The following ATP11C variants were observed in gnomAD, a reference collection of about 807,000 sequenced individuals.
ATP11C encodes phospholipid-transporting ATPase IG.
Under a neutral mutation model 97.4 loss-of-function variants are expected in ATP11C, and 36 were observed. The ratio of observed to expected loss-of-function variants is 0.37; its 90% CI spans 0.28 to 0.49. The LOEUF is 0.49. Ranked by LOEUF, ATP11C falls within the 20% of genes least tolerant of loss-of-function variation. ATP11C has a pLI of 0.98. For synonymous variants in ATP11C, 275 were observed against 290.9 expected (o/e 0.95, Z 0.56); for missense variants, 730 against 824.6 (o/e 0.89, Z 1.40).
intron 5 of ATP11C, among the ~76,000 whole-genome samples, chrX:139,809,458 G>A (rs1180926782): frequency 8.9e-6 from 1 of 112,038 alleles, no homozygotes; most frequent in African/African-American, 3.2e-5. Flanking sequence ...ATAAAGTATT[G>A]AGGATAGGGA....
Position 139,832,365 on chromosome X carries a change from G to T in ATP11C, c.28-5542C>A. 5 of 1,011,682 alleles carry T rather than the reference G, an allele frequency of 4.9e-6. No homozygotes were observed. In the South Asian group the frequency reaches 1.2e-4, roughly 24 times the overall value. 83.4% of individuals were successfully genotyped at this position (1,011,682 alleles called of 1,213,427 possible). ...ACTTCCATGGGAGGCAGCAAAGGAA[G>T]CATCAGATGACAGTCTATTCCTTAA... On this transcript the variant is annotated intron_variant, in intron 1 of 29. Coordinates refer to ENST00000682941, the MANE Select transcript of ATP11C (RefSeq NM_001353812.2).
chrX:139,749,538 CT>C (rs1282993433), intron 24 of ATP11C, among the ~76,000 whole-genome samples: 1 of 111,753 alleles, frequency 8.9e-6, no homozygotes, highest in Non-Finnish European at 1.9e-5. Context: ...AATACAATGG[CT>C]TATGAGTCCA....
At chrX:139,757,732 A>G in intron 23 of ATP11C, 76 bp downstream of exon 23, 1 of 718,377 alleles carries the variant, frequency 1.4e-6, no homozygotes, top group Non-Finnish European at 2.0e-6. Flanking sequence ...TCTAATCTCT[A>G]GAAATCTAAT....
chrX:139,762,927 A>G (rs1005046275), intron 21 of ATP11C, among the ~76,000 whole-genome samples: 6 of 112,007 alleles, frequency 5.4e-5, no homozygotes, highest in African/African-American at 1.9e-4. Flanking sequence ...TCTTAGCCCC[A>G]AACAGTTGAG....
At chrX:139,869,622 A>AG (rs2084338965) in intron 1 of ATP11C, among the ~76,000 whole-genome samples, 2 of 97,154 alleles carry the variant, frequency 2.1e-5, no homozygotes, top group African/African-American at 7.9e-5. Flanking sequence ...TCTCTACTAA[A>AG]AAAAAAAAAA....
rs2082823404 is a variant in ATP11C, at chrX:139,797,345, T to A, written c.858-19A>T. 9 of 1,125,020 alleles carry A rather than the reference T, an allele frequency of 8.0e-6. No individual in the cohort carries two copies. Among genetic ancestry groups the A allele is most frequent in the Non-Finnish European group, 1.1e-5 (9 of 837,767 alleles). The allele number at this position is 1,125,020 out of a possible 1,213,427, so 92.7% of individuals were successfully genotyped here. A position where few individuals can be genotyped will look rare whatever the true frequency, so the allele number is the denominator to read the frequency against. ...AATAGATCTGAAAAATAAGATAGCATGGATTTTAAAACCAAAGACATCAGT... is the reference window on the plus strand; with the variant it reads ...AATAGATCTGAAAAATAAGATAGCAAGGATTTTAAAACCAAAGACATCAGT... On this transcript the variant is annotated intron_variant, in intron 10 of 29. Coordinates refer to ENST00000682941, the MANE Select transcript of ATP11C (RefSeq NM_001353812.2).
rs1312429710 is a variant in ATP11C at position 139,877,293 on chromosome X, A to G, written c.28-50470T>C. Among the ~76,000 whole-genome samples, 3 of 112,591 alleles carry G rather than the reference A, an allele frequency of 2.7e-5. No individual in the cohort carries two copies. In the East Asian group the frequency reaches 8.3e-4, roughly 31 times the overall value. On this transcript the variant is annotated intron_variant, in intron 1 of 29. Transcript: ENST00000682941. ...CTTGTAACACCTCAAAGGGAAGTTA[A>G]GAAGTAGCAATTAACATTTATGACC...
chrX:139,750,495 T>C (rs758348641), intron 23 of ATP11C, among the ~76,000 whole-genome samples: 26 of 111,922 alleles, frequency 2.3e-4, no homozygotes, highest in Non-Finnish European at 5.7e-5. Flanking sequence ...GACCATTAAG[T>C]ATAAGTGAGG....
chrX:139,755,109 C>G (rs2081904529), intron 23 of ATP11C, among the ~76,000 whole-genome samples: 1 of 112,001 alleles, frequency 8.9e-6, no homozygotes, highest in Non-Finnish European at 1.9e-5. Context: ...GCCCCAAAAG[C>G]TCCTTGACCT....
intron 1 of ATP11C, among the ~76,000 whole-genome samples, chrX:139,833,802 T>G (rs1370417377): frequency 1.8e-5 from 2 of 111,699 alleles, no homozygotes; most frequent in African/African-American, 6.5e-5. Flanking sequence ...CATTTTTTTT[T>G]TCTTCAAAAT....
chrX:139,817,551 T>C (rs1384138642), intron 3 of ATP11C, among the ~76,000 whole-genome samples: 1 of 112,340 alleles, frequency 8.9e-6, no homozygotes, highest in African/African-American at 3.2e-5. Flanking sequence ...ATCCCACAAA[T>C]AGCAGGAAAT....
At chrX:139,811,599 C>T (rs1203091787) in intron 5 of ATP11C, among the ~76,000 whole-genome samples, 1 of 108,919 alleles carries the variant, frequency 9.2e-6, no homozygotes, top group Non-Finnish European at 1.9e-5. Flanking sequence ...CCCACTACAT[C>T]CTAAATCACT....
chrX:139,827,288 T>C (rs1033109184), intron 1 of ATP11C, among the ~76,000 whole-genome samples: 5 of 111,970 alleles, frequency 4.5e-5, no homozygotes, highest in African/African-American at 6.5e-5. Flanking sequence ...CACAAAATAA[T>C]TGTGTATAAG....
chrX:139,789,555 C>T (rs1223419535), intron 12 of ATP11C, 67 bp from the exon 13 acceptor site: 26 of 904,421 alleles, frequency 2.9e-5, no homozygotes, highest in Non-Finnish European at 3.8e-5. Context: ...TTTGCTGTAA[C>T]GCAAAGCTAT....
chrX:139,931,845 C>T (rs1449262209), intron 1 of ATP11C, among the ~76,000 whole-genome samples, 171 bp downstream of exon 1: 2 of 110,737 alleles, frequency 1.8e-5, no homozygotes, highest in African/African-American at 6.6e-5. Flanking sequence ...GCCCTACCTG[C>T]CTCCCCTCCC....
intron 1 of ATP11C, among the ~76,000 whole-genome samples, chrX:139,901,822 G>A (rs1260965620): frequency 9.0e-6 from 1 of 111,325 alleles, no homozygotes; most frequent in Non-Finnish European, 1.9e-5. Flanking sequence ...CTAAAACGGG[G>A]AGATAAAAGC....
At chrX:139,749,701 C>G (rs2081768826) in intron 24 of ATP11C, among the ~76,000 whole-genome samples, 2 of 111,976 alleles carry the variant, frequency 1.8e-5, no homozygotes, top group Non-Finnish European at 3.8e-5. Context: ...TACAGAAGAT[C>G]TTTGTGTATG....
intron 15 of ATP11C, among the ~76,000 whole-genome samples, chrX:139,786,108 A>G (rs145607560): frequency 0.013 from 1,501 of 111,744 alleles, 21 homozygotes; most frequent in African/African-American, 0.044. Context: ...AAGAAAGCCA[A>G]TAAAAGGGTT....
At chrX:139,861,773 C>T (rs1252406082) in intron 1 of ATP11C, among the ~76,000 whole-genome samples, 5 of 91,893 alleles carry the variant, frequency 5.4e-5, no homozygotes, top group Admixed American at 2.2e-4. Flanking sequence ...CTGTTATACA[C>T]ACACACACAC....
Sources: gnomAD v4.1 joint callset for allele counts (sites outside exome capture counted in the v4.1 genomes callset) on GRCh38, gnomAD v4.1.1 for gene constraint, MANE v1.5 for transcripts, NCBI Gene and HGNC (gene_info 2026-07-23, HGNC 2026-07-21) for gene names.